Variants in CABIN1 observed in about 807,000 individuals in gnomAD.
CABIN1 encodes the protein calcineurin binding protein 1.
A neutral mutation model predicts 227.7 loss-of-function variants in CABIN1; 133 were observed. The ratio of observed to expected loss-of-function variants is 0.58; its 90% confidence interval spans 0.51 to 0.67. CABIN1 has a LOEUF of 0.67. Among genes scored for constraint, CABIN1 ranks in the 30% least tolerant of loss-of-function variants. The probability of loss-of-function intolerance (pLI) is 0.00; values close to 1 mark genes in which losing one functional copy is unlikely to be tolerated. For synonymous variants in CABIN1, 1,086 were observed against 1,155.1 expected (o/e 0.94, Z 1.21); for missense variants, 2,408 against 2,852.5 (o/e 0.84, Z 3.55).
chr22:24,129,859 G>A (rs2043967389), intron 28 of CABIN1, among the ~76,000 whole-genome samples: 1 of 152,220 alleles, frequency 6.6e-6, no homozygotes, highest in African/African-American at 2.4e-5. Context: ...AGGGGTTGGA[G>A]GGTATGGGGG....
chr22:24,061,932 GTGTC>G lies in CABIN1; in HGVS notation c.1618-10_1618-7del, dbSNP rs1293074552. 1 of 1,608,360 alleles carries G rather than the reference GTGTC, an allele frequency of 6.2e-7. No homozygotes were observed. The highest frequency in any genetic ancestry group is 2.2e-5 in the East Asian group (1 of 44,866). ...TTGTGATACTGTTCTTGACCTTCCTGTGTCTGTCCTGCAGGACATGATGCTGATG... is the reference window on the plus strand; with the variant it reads ...TTGTGATACTGTTCTTGACCTTCCTGTGTCCTGCAGGACATGATGCTGATG... On this transcript the variant is annotated splice_polypyrimidine_tract_variant and intron_variant, in intron 12 of 36. Transcript: ENST00000263119.
intron 1 of CABIN1, among the ~76,000 whole-genome samples, chr22:24,028,223 A>T (rs2036239398): frequency 6.6e-6 from 1 of 152,232 alleles, no homozygotes. Flanking sequence ...GAAAAATGAC[A>T]CTTACCAACT....
intron 29 of CABIN1, among the ~76,000 whole-genome samples, chr22:24,153,326 T>C (rs1172328236): frequency 6.6e-6 from 1 of 151,782 alleles, no homozygotes; most frequent in East Asian, 1.9e-4. Flanking sequence ...GGCCCTGAGG[T>C]GGGTAAGCAG....
rs747063235 is a variant in CABIN1, at chr22:24,170,147, C to T, written c.5758-1566C>T. 2.4e-5 allele frequency: 11 copies of T among 458,808 alleles called. No homozygotes were observed. In the East Asian group the frequency reaches 5.5e-4, roughly 23 times the overall value. The allele number at this position is 458,808 out of a possible 1,614,324, so 28.4% of individuals were successfully genotyped here. A position where few individuals can be genotyped will look rare whatever the true frequency, so the allele number is the denominator to read the frequency against. On this transcript the variant is annotated intron_variant, in intron 33 of 36. Transcript: ENST00000263119. ...TTCCCAGACCCTGGTGCGGTGGGGG[C>T]GCCTTGGTATCTGCCGTGGGCAGAT... is the stretch of plus-strand genomic sequence containing the variant.
At chr22:24,083,411 C>T in intron 20 of CABIN1, 22 bp downstream of exon 20, 1 of 1,613,270 alleles carries the variant, frequency 6.2e-7, no homozygotes, top group Non-Finnish European at 8.5e-7. Flanking sequence ...GCAATAGGCC[C>T]AACAAAGAGG....
intron 31 of CABIN1, among the ~76,000 whole-genome samples, chr22:24,165,948 T>G (rs1477910961): frequency 6.6e-6 from 1 of 152,190 alleles, no homozygotes; most frequent in Non-Finnish European, 1.5e-5. Flanking sequence ...CCAAGGCCTA[T>G]GAGAACACCA....
At chr22:24,086,153 C>T (rs539052908) in intron 22 of CABIN1, among the ~76,000 whole-genome samples, 2 of 152,310 alleles carry the variant, frequency 1.3e-5, no homozygotes, top group East Asian at 1.9e-4. Flanking sequence ...GAGCCCTGGC[C>T]GTCCTCTTGG....
intron 26 of CABIN1, among the ~76,000 whole-genome samples, chr22:24,098,619 G>A (rs900086868): frequency 6.6e-6 from 1 of 152,132 alleles, no homozygotes; most frequent in African/African-American, 2.4e-5. Flanking sequence ...GAAGGTTGAG[G>A]GAAGGCCGTG....
chr22:24,176,319 T>C, intron 35 of CABIN1, 44 bp downstream of exon 35: 1 of 1,565,236 alleles, frequency 6.4e-7, no homozygotes, highest in Non-Finnish European at 8.6e-7. Flanking sequence ...CCCAGGAGGC[T>C]GCCTCACAGC....
intron 15 of CABIN1, among the ~76,000 whole-genome samples, chr22:24,066,285 G>A (rs531280997): frequency 6.6e-6 from 1 of 152,322 alleles, no homozygotes; most frequent in African/African-American, 2.4e-5. Flanking sequence ...CTATTTAGAA[G>A]CAGTCATTGC....
At chr22:24,055,445 G>A (rs2087566407) in intron 9 of CABIN1, among the ~76,000 whole-genome samples, 1 of 152,220 alleles carries the variant, frequency 6.6e-6, no homozygotes, top group Admixed American at 6.5e-5. Flanking sequence ...TTAGTGCCTG[G>A]CAGCCACATT....
chr22:24,030,648 A>G lies in CABIN1; in HGVS notation c.-74-4796A>G, dbSNP rs114902661. On this transcript the variant is annotated intron_variant, in intron 1 of 36. Coordinates refer to ENST00000263119, the MANE Select transcript of CABIN1 (RefSeq NM_012295.4). ...TTCTCCTACACTGTGGACTGTTTTC[A>G]GGGTGTTTGGGTTCTGCTGATCATG... is the stretch of plus-strand genomic sequence containing the variant. Among the ~76,000 whole-genome samples, 1,032 of 152,240 alleles carry G rather than the reference A, an allele frequency of 6.8e-3. 11 individuals carry two copies. The highest frequency in any genetic ancestry group is 0.023 in the African/African-American group (969 of 41,534).
chr22:24,106,866 CT>C (rs372651853), intron 26 of CABIN1, among the ~76,000 whole-genome samples: 17 of 152,314 alleles, frequency 1.1e-4, no homozygotes, highest in East Asian at 7.7e-4. Context: ...ACTTGGTGTT[CT>C]TTCAGTCTGA....
At chr22:24,066,239 CTTGG>C (rs1209055989) in intron 15 of CABIN1, among the ~76,000 whole-genome samples, 1 of 152,156 alleles carries the variant, frequency 6.6e-6, no homozygotes, top group Non-Finnish European at 1.5e-5. Flanking sequence ...ACTGCAGATC[CTTGG>C]TGGAAAGCAG....
rs151118318 is a variant in CABIN1 at position 24,038,446 on chromosome 22, G to C, written c.195G>C (p.Ala65=). 67 of 1,613,230 alleles carry C rather than the reference G, an allele frequency of 4.2e-5. No homozygotes were observed. The African/African-American group carries it at 7.2e-4, about 17-fold the overall frequency. The change falls in exon 4 of 37, where the codon GCG becomes GCC. Residue 65 remains alanine (A), a synonymous_variant. Transcript: ENST00000263119. The stretch of plus-strand genomic sequence containing the variant: ...AAGCCTACCATGAGCTCTTGGAGGC[G>C]AGCCTGCTGCGGGAGGTGAGGCATC... The part of the protein sequence containing the change: ...SAKAYHELLE[A]SLLREAVSSG...
At chr22:24,136,766 C>G (rs143997458) in intron 29 of CABIN1, among the ~76,000 whole-genome samples, 7 of 150,994 alleles carry the variant, frequency 4.6e-5, no homozygotes, top group African/African-American at 1.7e-4. Context: ...CACACACACA[C>G]AGAAAGGCTC....
intron 29 of CABIN1, among the ~76,000 whole-genome samples, chr22:24,142,725 C>T (rs989784068): frequency 1.3e-5 from 2 of 152,162 alleles, no homozygotes; most frequent in African/African-American, 4.8e-5. Flanking sequence ...TTCCTGGTGC[C>T]CCACACCACT....
At chr22:24,092,827 C>T (rs1020089212) in intron 24 of CABIN1, among the ~76,000 whole-genome samples, 1 of 152,046 alleles carries the variant, frequency 6.6e-6, no homozygotes, top group East Asian at 1.9e-4. Context: ...TGCTATGTCC[C>T]TGTATGTCCG....
intron 1 of CABIN1, among the ~76,000 whole-genome samples, chr22:24,015,958 A>T (rs779093598): frequency 6.6e-6 from 1 of 152,232 alleles, no homozygotes; most frequent in Non-Finnish European, 1.5e-5. Context: ...ACCCGGTCTC[A>T]AGAAAACACA....
Sources: allele counts gnomAD v4.1 joint callset (sites outside exome capture counted in the v4.1 genomes callset), GRCh38; gene constraint gnomAD v4.1.1; transcripts MANE v1.5; gene names NCBI Gene and HGNC (gene_info 2026-07-23, HGNC 2026-07-21).